SLC7A1: variants seen among roughly 807,000 people sequenced by gnomAD.
The protein encoded by SLC7A1 is solute carrier family 7 member 1.
A neutral mutation model predicts 53.9 loss-of-function variants in SLC7A1; 10 were observed. The observed-to-expected ratio is 0.19, with a 90% confidence interval of 0.11 to 0.31. The LOEUF is 0.31. Among genes scored for constraint, SLC7A1 ranks in the 10% least tolerant of loss-of-function variants. SLC7A1 has a pLI of 1.00. For missense variants in SLC7A1, 525 were observed against 827.2 expected (o/e 0.63, Z 4.48); for synonymous variants, 342 against 338.7 (o/e 1.01, Z -0.11).
intron 1 of SLC7A1, among the ~76,000 whole-genome samples, chr13:29,571,715 T>C (rs1871201016): frequency 6.6e-6 from 1 of 152,226 alleles, no homozygotes; most frequent in African/African-American, 2.4e-5. Flanking sequence ...CGGAAAAGGA[T>C]TGCCCAGTCC....
chr13:29,516,297 T>C (rs377007602), intron 11 of SLC7A1, 51 bp from the exon 12 acceptor site: 233 of 1,187,526 alleles, frequency 2.0e-4, no homozygotes, highest in Non-Finnish European at 2.4e-4. Flanking sequence ...CCGGTTCCAA[T>C]AGTTCAGTAA....
chr13:29,561,916 G>A (rs1173212038), intron 1 of SLC7A1, among the ~76,000 whole-genome samples: 1 of 152,204 alleles, frequency 6.6e-6, no homozygotes, highest in Non-Finnish European at 1.5e-5. Flanking sequence ...AGAAACGGGG[G>A]CATCCCCTCT....
At chr13:29,546,863 C>G (rs1869942393) in intron 2 of SLC7A1, among the ~76,000 whole-genome samples, 1 of 152,248 alleles carries the variant, frequency 6.6e-6, no homozygotes, top group Admixed American at 6.5e-5. Flanking sequence ...CAACATCACA[C>G]AACACCAGCT....
At chr13:29,542,580 G>A (rs1039886344) in intron 2 of SLC7A1, among the ~76,000 whole-genome samples, 2 of 151,944 alleles carry the variant, frequency 1.3e-5, no homozygotes, top group African/African-American at 4.8e-5. Context: ...CTACTCAGGA[G>A]GCTGAGCCAG....
At chr13:29,540,804 C>T (rs1318808591) in intron 2 of SLC7A1, among the ~76,000 whole-genome samples, 1 of 152,244 alleles carries the variant, frequency 6.6e-6, no homozygotes, top group African/African-American at 2.4e-5. Context: ...ATCTTTCACC[C>T]TCGCAGGAGA....
At chr13:29,576,293 T>TTTAAAAAAAAAAAAAA (rs552407983) in intron 1 of SLC7A1, among the ~76,000 whole-genome samples, 17 of 124,954 alleles carry the variant, frequency 1.4e-4, no homozygotes, top group African/African-American at 6.2e-4. Flanking sequence ...TCCTGTTTTT[T>TTTAAAAAAAAAAAAAA]AAAAAAAAAA....
intron 5 of SLC7A1, among the ~76,000 whole-genome samples, chr13:29,529,211 C>A (rs1869039032): frequency 1.3e-5 from 2 of 152,184 alleles, no homozygotes; most frequent in South Asian, 4.1e-4. Context: ...CTGCTAACCA[C>A]AAAATATTAG....
At chr13:29,542,949 G>T (rs947113723) in intron 2 of SLC7A1, among the ~76,000 whole-genome samples, 31 of 152,116 alleles carry the variant, frequency 2.0e-4, no homozygotes, top group African/African-American at 7.2e-4. Flanking sequence ...AAAGGCCCTG[G>T]GGTCTACATC....
chr13:29,564,116 G>A (rs1032042949), intron 1 of SLC7A1, among the ~76,000 whole-genome samples: 1 of 152,160 alleles, frequency 6.6e-6, no homozygotes, highest in African/African-American at 2.4e-5. Flanking sequence ...GACAAGGGCT[G>A]GAGGAAGGGG....
intron 4 of SLC7A1, among the ~76,000 whole-genome samples, chr13:29,532,482 C>A (rs1047884622): frequency 6.6e-6 from 1 of 152,234 alleles, no homozygotes; most frequent in African/African-American, 2.4e-5. Context: ...AAATGGTCAT[C>A]CACTGAGTCA....
intron 1 of SLC7A1, among the ~76,000 whole-genome samples, chr13:29,555,394 G>A (rs1381309488): frequency 1.5e-5 from 2 of 132,590 alleles, no homozygotes; most frequent in Non-Finnish European, 3.2e-5. Flanking sequence ...ATTACATTGT[G>A]TTACCAAACT....
At chr13:29,534,876 T>C (rs1869337074) in intron 3 of SLC7A1, among the ~76,000 whole-genome samples, 1 of 152,280 alleles carries the variant, frequency 6.6e-6, no homozygotes, top group Non-Finnish European at 1.5e-5. Context: ...TTTTTGTTTC[T>C]TTTAAGTTGA....
At chr13:29,524,030 G>C in intron 6 of SLC7A1, 102 bp downstream of exon 6, 1 of 1,157,192 alleles carries the variant, frequency 8.6e-7, no homozygotes, top group Non-Finnish European at 1.3e-6. Flanking sequence ...ATGTGTGAAA[G>C]AGCGGCGACT....
chr13:29,562,704 T>G (rs1379209845), intron 1 of SLC7A1, among the ~76,000 whole-genome samples: 1 of 152,210 alleles, frequency 6.6e-6, no homozygotes, highest in African/African-American at 2.4e-5. Context: ...CACTGTTATT[T>G]GGAACCTATA....
intron 2 of SLC7A1, among the ~76,000 whole-genome samples, chr13:29,550,572 T>C (rs546319120): frequency 6.6e-6 from 1 of 152,294 alleles, no homozygotes; most frequent in Non-Finnish European, 1.5e-5. Flanking sequence ...CTCTGGGAGC[T>C]GACAGCAGCC....
rs752293869 is a variant in SLC7A1, at chr13:29,512,584, C to T, written c.*1896G>A. The stretch of plus-strand genomic sequence containing the variant: ...ACGGAAAAAAAAATCAAGCAAATAA[C>T]TACCAGGTCCTAAGACAAGAGACAA... On this transcript the variant is annotated 3_prime_UTR_variant, in exon 13 of 13. Transcript: ENST00000380752. The T allele has an allele frequency of 1.1e-4, 17 of 152,178 alleles. No individual in the cohort carries two copies. Among genetic ancestry groups the T allele is most frequent in the Middle Eastern group, 3.2e-3 (1 of 316 alleles). 9.4% of individuals were successfully genotyped at this position (152,178 alleles called of 1,614,324 possible).
chr13:29,533,204 C>T (rs560825634), intron 3 of SLC7A1, among the ~76,000 whole-genome samples: 2 of 152,278 alleles, frequency 1.3e-5, no homozygotes, highest in African/African-American at 4.8e-5. Context: ...CACTTCACAT[C>T]CTACCCAATA....
chr13:29,518,026 C>A (rs1345897383), intron 9 of SLC7A1, among the ~76,000 whole-genome samples: 4 of 152,240 alleles, frequency 2.6e-5, no homozygotes, highest in African/African-American at 7.2e-5. Flanking sequence ...ACATGACCTC[C>A]ACCATGAGCA....
At chr13:29,585,892 A>G (rs1871859232) in intron 1 of SLC7A1, among the ~76,000 whole-genome samples, 1 of 152,208 alleles carries the variant, frequency 6.6e-6, no homozygotes, top group Admixed American at 6.5e-5. Flanking sequence ...ACTATCCATT[A>G]GAAACCAGGA....
Sources: gnomAD v4.1 joint callset for allele counts (sites outside exome capture counted in the v4.1 genomes callset) on GRCh38, gnomAD v4.1.1 for gene constraint, MANE v1.5 for transcripts, NCBI Gene and HGNC (gene_info 2026-07-23, HGNC 2026-07-21) for gene names.